Variants in JAG1 observed in about 807,000 individuals in gnomAD.
The protein encoded by JAG1 is jagged canonical Notch ligand 1, also known as protein jagged-1.
Under a neutral mutation model 148.7 loss-of-function variants are expected in JAG1, and 23 were observed. That is an observed-to-expected ratio of 0.15 (90% CI 0.11 to 0.22). The LOEUF (loss-of-function observed/expected upper bound fraction) is 0.22. Among genes scored for constraint, JAG1 ranks in the 10% least tolerant of loss-of-function variants. The pLI is 1.00. For synonymous variants in JAG1, 572 were observed against 598.3 expected, an observed-to-expected ratio of 0.96 and a Z score of 0.64; for missense variants, 1,054 against 1,611.2, an observed-to-expected ratio of 0.65 and a Z score of 5.92.
intron 8 of JAG1, chr20:10,650,619 T>A (rs892767431): frequency 4.1e-6 from 2 of 493,508 alleles, no homozygotes; most frequent in Non-Finnish European, 7.4e-6. Context: ...TGACGGAGCA[T>A]CCGCCCAGGA....
At chr20:10,654,086 A>G (rs2067363192) in intron 5 of JAG1, among the ~76,000 whole-genome samples, 1 of 152,216 alleles carries the variant, frequency 6.6e-6, no homozygotes, top group South Asian at 2.1e-4. Context: ...CAAGGCTGAT[A>G]TTCTTAGCCT....
At chr20:10,651,032 C>T (rs182677093) in intron 8 of JAG1, 195 of 158,836 alleles carry the variant, frequency 1.2e-3, no homozygotes, top group Non-Finnish European at 1.6e-3. Flanking sequence ...CTGATGACAG[C>T]GGTTCTCAGA....
At chr20:10,650,724 T>G (rs1239981865) in intron 8 of JAG1, 1 of 301,314 alleles carries the variant, frequency 3.3e-6, no homozygotes, top group Non-Finnish European at 6.4e-6. Flanking sequence ...AAAATAGTTC[T>G]TTACAGGTGG....
chr20:10,643,771 T>C lies in JAG1; in HGVS notation c.2458+7A>G. 6.2e-7 allele frequency: 1 copy of C among 1,611,958 alleles called. No individual in the cohort carries two copies. Among genetic ancestry groups the C allele is most frequent in the Non-Finnish European group, 8.5e-7 (1 of 1,178,118 alleles). ...CATTGGGAAAACCAGACGGAGACAGTCCTTACTTATTCTGCAGTCGGGCCC... is the reference window on the plus strand; with the variant it reads ...CATTGGGAAAACCAGACGGAGACAGCCCTTACTTATTCTGCAGTCGGGCCC... On this transcript the variant is annotated splice_region_variant and intron_variant, in intron 20 of 25. Transcript: ENST00000254958.
Position 10,645,946 on chromosome 20 carries a change from G to C in JAG1, c.1999+25C>G. On this transcript the variant is annotated intron_variant, in intron 15 of 25. Transcript: ENST00000254958. The surrounding 1 kb of genome is among the most constrained non-coding windows in gnomAD (Gnocchi z 6.1). ...TCCAACATGACCCATACATCCCAGA[G>C]CTCCCCAAAGAGTGGCAGACTCACT... The C allele has an allele frequency of 6.8e-7, 1 of 1,472,138 alleles. No homozygotes were observed. The highest frequency in any genetic ancestry group is 9.5e-7 in the Non-Finnish European group (1 of 1,050,484). The allele number at this position is 1,472,138 out of a possible 1,614,324, so 91.2% of individuals were successfully genotyped here. A position where few individuals can be genotyped will look rare whatever the true frequency, so the allele number is the denominator to read the frequency against.
intron 2 of JAG1, among the ~76,000 whole-genome samples, chr20:10,669,789 T>G (rs1405817380): frequency 1.3e-5 from 2 of 152,088 alleles, no homozygotes; most frequent in Non-Finnish European, 2.9e-5. Flanking sequence ...CTAATGTATT[T>G]TTAATAAGCA....
intron 25 of JAG1, 94 bp downstream of exon 25, chr20:10,640,689 A>C: frequency 4.7e-6 from 6 of 1,286,202 alleles, no homozygotes; most frequent in Non-Finnish European, 6.8e-6. Flanking sequence ...AGGGTAGGGC[A>C]CTGCCAGATA....
At chr20:10,659,937 G>A (rs761703042) in intron 3 of JAG1, among the ~76,000 whole-genome samples, 1 of 152,152 alleles carries the variant, frequency 6.6e-6, no homozygotes, top group Non-Finnish European at 1.5e-5. Context: ...GATCTGAAAA[G>A]GCAGCAAGGC....
intron 3 of JAG1, among the ~76,000 whole-genome samples, chr20:10,659,497 T>C (rs1032198135): frequency 3.3e-5 from 5 of 150,778 alleles, no homozygotes; most frequent in Non-Finnish European, 5.9e-5. Flanking sequence ...TATGTCTTGC[T>C]CAGAAAAGCT....
rs187074802 is a variant in JAG1, at chr20:10,656,285, A to T, written c.755+113T>A. 8,253 of 862,498 alleles carry T rather than the reference A, an allele frequency of 9.6e-3. 69 individuals carry two copies. Among genetic ancestry groups the T allele is most frequent in the Middle Eastern group, 0.017 (56 of 3,254 alleles). 53.4% of individuals were successfully genotyped at this position (862,498 alleles called of 1,614,324 possible). A position where few individuals can be genotyped will look rare whatever the true frequency, so the allele number is the denominator to read the frequency against. On this transcript the variant is annotated intron_variant, in intron 5 of 25. Coordinates refer to ENST00000254958, the MANE Select transcript of JAG1 (RefSeq NM_000214.3). Reference sequence around the variant, plus strand: ...ATGTGTCTATCTGAATTTTTTTTTTAAAAAAGCTTTCTTGTTCTCCAAGGA... The same window carrying T: ...ATGTGTCTATCTGAATTTTTTTTTTTAAAAAGCTTTCTTGTTCTCCAAGGA...
At chr20:10,651,352 G>A (rs763912173) in intron 8 of JAG1, 15 of 495,912 alleles carry the variant, frequency 3.0e-5, no homozygotes, top group African/African-American at 2.3e-4. Context: ...GCGATTCCAC[G>A]AGGACGTTCC....
At position 10,641,573 on chromosome 20, in the gene JAG1, C is replaced by T. The variant is rs753161584; in HGVS notation, c.2803G>A (p.Glu935Lys). ...GGCTGGAGACTGGAAGACCGACACT[C>T]GCCCACACCAGTGCAGGGGTGGACG... ...CFVHPCTGVGECRSSSLQPVK... is the reference protein window; with the variant it reads ...CFVHPCTGVGKCRSSSLQPVK... Residue 935 changes from glutamate to lysine, a missense_variant, in exon 23 of 26, where the codon GAG becomes AAG. Glu to Lys is a moderately conservative substitution (Grantham distance 56). Transcript: ENST00000254958. 32 of 1,614,086 alleles carry T rather than the reference C, an allele frequency of 2.0e-5. No homozygotes were observed. The highest frequency in any genetic ancestry group is 2.7e-5 in the African/African-American group (2 of 74,934).
At chr20:10,672,659 G>A (rs373405222) in intron 2 of JAG1, 42 bp downstream of exon 2, 3 of 1,594,394 alleles carry the variant, frequency 1.9e-6, no homozygotes, top group Non-Finnish European at 2.6e-6. Flanking sequence ...CCAGGCGCGG[G>A]TGTGAGGCTC....
chr20:10,641,010 G>T, intron 24 of JAG1, 77 bp from the exon 25 acceptor site: 1 of 1,609,942 alleles, frequency 6.2e-7, no homozygotes, highest in South Asian at 1.1e-5. Context: ...TCGACAATCT[G>T]TGTCTGCAAA....
intron 3 of JAG1, among the ~76,000 whole-genome samples, chr20:10,659,201 T>C (rs1374359252): frequency 6.6e-6 from 1 of 152,232 alleles, no homozygotes; most frequent in African/African-American, 2.4e-5. Flanking sequence ...ACGTTGTACA[T>C]TATCAAACCT....
At position 10,649,541 on chromosome 20, in the gene JAG1, C is replaced by T. The variant is rs547676061; in HGVS notation, c.1329G>A (p.Met443Ile). 2.7e-5 allele frequency: 44 copies of T among 1,609,640 alleles called. No individual in the cohort carries two copies. Among genetic ancestry groups the T allele is most frequent in the Non-Finnish European group, 3.7e-5 (44 of 1,176,028 alleles). ...SYYCDCLPGW[M>I]GQNCDININD... ...ACTCACTTATGTCACAATTCTGACC[C>T]ATCCAGCCGGGAAGACAGTCGCAGT... The change falls in exon 10 of 26, where the codon ATG becomes ATA. Residue 443 changes from methionine to isoleucine, a missense_variant. Coordinates refer to ENST00000254958, the MANE Select transcript of JAG1 (RefSeq NM_000214.3).
At chr20:10,654,362 A>T (rs948615915) in intron 5 of JAG1, among the ~76,000 whole-genome samples, 7 of 152,244 alleles carry the variant, frequency 4.6e-5, no homozygotes, top group Non-Finnish European at 1.0e-4. Context: ...TCCCAGTTTA[A>T]TAATATATGA....
Position 10,673,489 on chromosome 20 carries a change from T to C in JAG1, c.42A>G (p.Leu14=). The C allele has an allele frequency of 7.7e-7, 1 of 1,298,724 alleles. No individual in the cohort carries two copies. The highest frequency in any genetic ancestry group is 9.8e-7 in the Non-Finnish European group (1 of 1,016,806). The allele number at this position is 1,298,724 out of a possible 1,614,324, so 80.5% of individuals were successfully genotyped here. A position where few individuals can be genotyped will look rare whatever the true frequency, so the allele number is the denominator to read the frequency against. Reference sequence around the variant, plus strand: ...CACAGAGCAGGGCGAGCAGGAGGCTTAGGGGGCGCCCGGACCGGCCGCGCG... The same window carrying C: ...CACAGAGCAGGGCGAGCAGGAGGCTCAGGGGGCGCCCGGACCGGCCGCGCG... ...PRTRGRSGRP[L]SLLLALLCAL... is the part of the protein sequence containing the mutation. The change falls in exon 1 of 26, where the codon CTA becomes CTG. Residue 14 remains leucine, a synonymous_variant. Transcript: ENST00000254958. The surrounding 1 kb of genome is among the most constrained non-coding windows in gnomAD (Gnocchi z 4.7).
Position 10,673,080 on chromosome 20 carries a change from TC to T in JAG1, c.82-75del. On this transcript the variant is annotated intron_variant, in intron 1 of 25. Coordinates refer to ENST00000254958, the MANE Select transcript of JAG1 (RefSeq NM_000214.3). This position sits in a 1 kb window ranked among gnomAD's most constrained non-coding sequence, Gnocchi z 4.7. Reference sequence around the variant, plus strand: ...TTCGAGTATAGAGGTGGCGACTCCCTCCCACTCCCCGCCCCGACGAGCCCTC... The same window carrying T: ...TTCGAGTATAGAGGTGGCGACTCCCTCCACTCCCCGCCCCGACGAGCCCTC... 1 of 1,391,092 alleles carries T rather than the reference TC, an allele frequency of 7.2e-7. No homozygotes were observed. Among genetic ancestry groups the T allele is most frequent in the Non-Finnish European group, 1.0e-6 (1 of 1,001,726 alleles). The allele number at this position is 1,391,092 out of a possible 1,614,324, so 86.2% of individuals were successfully genotyped here.
Sources: gnomAD v4.1 joint callset for allele counts (sites outside exome capture counted in the v4.1 genomes callset) on GRCh38, gnomAD v4.1.1 for gene constraint, Gnocchi (gnomAD v3.1) non-coding constraint, MANE v1.5 for transcripts, NCBI Gene and HGNC (gene_info 2026-07-23, HGNC 2026-07-21) for gene names.